SYT2: variants seen among roughly 807,000 people sequenced by gnomAD.
SYT2 encodes synaptotagmin-2.
SYT2 carries 15 observed loss-of-function variants against 39.9 expected under a neutral mutation model. The ratio of observed to expected loss-of-function variants is 0.38; its 90% confidence interval spans 0.25 to 0.58. The LOEUF (loss-of-function observed/expected upper bound fraction) is 0.58, where lower values mean the gene tolerates loss of function less well. Among genes scored for constraint, SYT2 ranks in the 20% least tolerant of loss-of-function variants. The probability of loss-of-function intolerance (pLI) is 0.70; values close to 1 mark genes in which losing one functional copy is unlikely to be tolerated. For missense variants in SYT2, 389 were observed against 530.3 expected (o/e 0.73, Z 2.62); for synonymous variants, 181 against 204.5 (o/e 0.89, Z 0.98).
chr1:202,639,656 A>G, intron 1 of SYT2: 4 of 985,456 alleles, frequency 4.1e-6, no homozygotes, highest in Non-Finnish European at 4.8e-6. Flanking sequence ...GCGTTCCCTC[A>G]TCATCAGGAG....
chr1:202,607,968 C>T (rs1558427536), intron 1 of SYT2, among the ~76,000 whole-genome samples: 1 of 152,034 alleles, frequency 6.6e-6, no homozygotes, highest in Non-Finnish European at 1.5e-5. Context: ...TTATTGTATT[C>T]ACAGAATAGT....
Position 202,614,748 on chromosome 1 carries a change from G to C in SYT2, c.-17-8959C>G, listed in dbSNP as rs1251870879. Among the ~76,000 whole-genome samples, 4 of 152,228 alleles carry C rather than the reference G, an allele frequency of 2.6e-5. No homozygotes were observed. Among genetic ancestry groups the C allele is most frequent in the South Asian group, 2.1e-4 (1 of 4,836 alleles). On this transcript the variant is annotated intron_variant, in intron 1 of 8. Transcript: ENST00000367268. The surrounding 1 kb of genome is among the most constrained non-coding windows in gnomAD (Gnocchi z 4.0). Reference sequence around the variant, plus strand: ...AAGGGCAGCCTAGGCAGAGAGCACAGCCTATGCAAAGGCCCAGAGGTGGGA... The same window carrying C: ...AAGGGCAGCCTAGGCAGAGAGCACACCCTATGCAAAGGCCCAGAGGTGGGA...
At chr1:202,699,326 G>T (rs1007403728) in intron 1 of SYT2, among the ~76,000 whole-genome samples, 6 of 152,124 alleles carry the variant, frequency 3.9e-5, no homozygotes, top group African/African-American at 1.4e-4. Flanking sequence ...CCAGCCTCCA[G>T]TGCCCAAATT....
intron 1 of SYT2, chr1:202,632,957 G>C (rs1691637884): frequency 6.6e-6 from 1 of 152,202 alleles, no homozygotes; most frequent in Admixed American, 6.5e-5. Flanking sequence ...TTTGGCACAG[G>C]ACCTGGGATG....
At position 202,603,173 on chromosome 1, in the gene SYT2, T is replaced by G; in HGVS notation, c.346-55A>C. 2.5e-6 allele frequency: 4 copies of G among 1,607,824 alleles called. No homozygotes were observed. In the Admixed American group the frequency reaches 5.0e-5, roughly 20 times the overall value. ...GTTAAAAGGGGAGGACCGAGAAGTC[T>G]GGCTTAGCACAGGATGACGGGAAAC... On this transcript the variant is annotated intron_variant, in intron 3 of 8. Transcript: ENST00000367268.
chr1:202,640,782 GAGAGAGA>G (rs1558443928), intron 1 of SYT2, among the ~76,000 whole-genome samples: 13 of 126,310 alleles, frequency 1.0e-4, no homozygotes, highest in African/African-American at 3.4e-5. Flanking sequence ...GAGAGAGAGA[GAGAGAGA>G]GAGACAGACA....
At chr1:202,700,086 G>A (rs1654074551) in intron 1 of SYT2, among the ~76,000 whole-genome samples, 1 of 152,078 alleles carries the variant, frequency 6.6e-6, no homozygotes, top group Non-Finnish European at 1.5e-5. Flanking sequence ...GACAGTCAAG[G>A]GGGACTCTCC....
In SYT2 at chr1:202,679,846, C is replaced by T. The variant is rs368549382; in HGVS notation, c.-18+30412G>A. Reference sequence around the variant, plus strand: ...CTTTCTAGCTTCAACCCCTCCCAGGCCCTCACTCAGATTCCAGGCTTCCTT... The same window carrying T: ...CTTTCTAGCTTCAACCCCTCCCAGGTCCTCACTCAGATTCCAGGCTTCCTT... On this transcript the variant is annotated intron_variant, in intron 1 of 8. Coordinates refer to ENST00000367268, the MANE Select transcript of SYT2 (RefSeq NM_177402.5). 3.3e-5 allele frequency among the ~76,000 whole-genome samples: 5 copies of T among 152,348 alleles called. No individual in the cohort carries two copies. The East Asian group carries it at 5.8e-4, about 18-fold the overall frequency.
At chr1:202,666,574 C>T (rs59698841) in intron 1 of SYT2, among the ~76,000 whole-genome samples, 4,073 of 152,246 alleles carry the variant, frequency 0.027, 169 homozygotes, top group African/African-American at 0.093. Flanking sequence ...ATGTCACAGA[C>T]GCAGCCCAAA....
intron 1 of SYT2, among the ~76,000 whole-genome samples, chr1:202,631,214 A>G (rs1220254495): frequency 2.6e-5 from 4 of 152,186 alleles, no homozygotes; most frequent in Non-Finnish European, 4.4e-5. Flanking sequence ...AGCATGGGTG[A>G]GCATCTGTGG....
intron 1 of SYT2, among the ~76,000 whole-genome samples, chr1:202,681,909 GA>G (rs1653536344): frequency 6.6e-6 from 1 of 152,210 alleles, no homozygotes; most frequent in African/African-American, 2.4e-5. Flanking sequence ...CCTCCGTGGG[GA>G]TCAGATCCAA....
chr1:202,655,372 G>C (rs1037452434), intron 1 of SYT2, among the ~76,000 whole-genome samples: 4 of 152,096 alleles, frequency 2.6e-5, no homozygotes, highest in Non-Finnish European at 5.9e-5. Flanking sequence ...TTGTGTTCTG[G>C]GTTGTTGTTG....
At chr1:202,675,667 A>G (rs1378677528) in intron 1 of SYT2, among the ~76,000 whole-genome samples, 1 of 152,158 alleles carries the variant, frequency 6.6e-6, no homozygotes, top group African/African-American at 2.4e-5. Context: ...GGACATACTC[A>G]TTCACTGATA....
intron 1 of SYT2, among the ~76,000 whole-genome samples, chr1:202,667,466 C>CAT (rs1285664767): frequency 5.1e-4 from 72 of 140,842 alleles, no homozygotes; most frequent in Middle Eastern, 3.6e-3. Context: ...AGTGACCAGC[C>CAT]GTGTGTGTGT....
chr1:202,689,641 G>T (rs562293332), intron 1 of SYT2, among the ~76,000 whole-genome samples: 2 of 152,202 alleles, frequency 1.3e-5, no homozygotes, highest in South Asian at 4.2e-4. Context: ...GAGTTATTTT[G>T]AGTGTCCAGG....
intron 1 of SYT2, among the ~76,000 whole-genome samples, chr1:202,678,273 C>CAAAAAAAAAAAAAAAAAAAAAAAAAA (rs773123862): frequency 3.3e-5 from 1 of 30,728 alleles, no homozygotes; most frequent in Non-Finnish European, 6.2e-5. Context: ...GACTCTGTCT[C>CAAAAAAAAAAAAAAAAAAAAAAAAAA]AAAAAAAAAA....
chr1:202,694,798 C>T (rs1653932770), intron 1 of SYT2, among the ~76,000 whole-genome samples: 1 of 151,870 alleles, frequency 6.6e-6, no homozygotes, highest in Non-Finnish European at 1.5e-5. Flanking sequence ...CCTCCTCCTC[C>T]TCCTTCTCTC....
rs541768926 is a variant in SYT2, at chr1:202,591,674, G to A, written c.*5083C>T. 221 of 152,886 alleles carry A rather than the reference G, an allele frequency of 1.4e-3. 1 individual carries two copies. The highest frequency in any genetic ancestry group is 7.8e-4 in the Non-Finnish European group (53 of 68,304). 9.5% of individuals were successfully genotyped at this position (152,886 alleles called of 1,614,324 possible). A position where few individuals can be genotyped will look rare whatever the true frequency, so the allele number is the denominator to read the frequency against. ...GCAGGAGGATGCACGAGGGAAGAGC[G>A]TCAGCCCCTGTATTCACCGGCCTCT... On this transcript the variant is annotated 3_prime_UTR_variant, in exon 9 of 9. Coordinates refer to ENST00000367268, the MANE Select transcript of SYT2 (RefSeq NM_177402.5).
intron 1 of SYT2, among the ~76,000 whole-genome samples, chr1:202,695,810 C>T (rs1467599061): frequency 6.6e-6 from 1 of 152,194 alleles, no homozygotes; most frequent in Non-Finnish European, 1.5e-5. Flanking sequence ...TCTTTCTCTG[C>T]CTTTCTGAAA....
Sources: allele counts gnomAD v4.1 joint callset (sites outside exome capture counted in the v4.1 genomes callset), GRCh38; gene constraint gnomAD v4.1.1; non-coding constraint Gnocchi (gnomAD v3.1); transcripts MANE v1.5; gene names NCBI Gene and HGNC (gene_info 2026-07-23, HGNC 2026-07-21).